TENM1: variants seen among roughly 807,000 people sequenced by gnomAD.
TENM1 encodes teneurin transmembrane protein 1.
In TENM1, 35 loss-of-function variants were observed where a neutral mutation model predicts 174.8. That is an observed-to-expected ratio of 0.20 (90% CI 0.15 to 0.27). The LOEUF (loss-of-function observed/expected upper bound fraction) is 0.27, where lower values mean the gene tolerates loss of function less well. Ranked by LOEUF, TENM1 falls within the 10% of genes least tolerant of loss-of-function variation. The pLI, the probability that TENM1 is intolerant of heterozygous loss-of-function variation, is 1.00. For synonymous variants in TENM1, 781 were observed against 798.7 expected, an observed-to-expected ratio of 0.98 and a Z score of 0.37; for missense variants, 1,633 against 2,130.1, an observed-to-expected ratio of 0.77 and a Z score of 4.59.
At chrX:124,713,639 T>C (rs1316817036) in intron 4 of TENM1, among the ~76,000 whole-genome samples, 1 of 112,478 alleles carries the variant, frequency 8.9e-6, no homozygotes, top group Non-Finnish European at 1.9e-5. Context: ...ATATCTGCCC[T>C]ATCTGGTCAA....
intron 11 of TENM1, among the ~76,000 whole-genome samples, chrX:124,616,649 A>G (rs1452343736): frequency 8.9e-6 from 1 of 112,698 alleles, no homozygotes; most frequent in Non-Finnish European, 1.9e-5. Context: ...AATAGAACAC[A>G]TGGTCTCTAC....
chrX:124,550,757 C>T (rs1428868353), intron 14 of TENM1, among the ~76,000 whole-genome samples: 1 of 108,597 alleles, frequency 9.2e-6, no homozygotes, highest in Non-Finnish European at 1.9e-5. Flanking sequence ...ACTACTTTGG[C>T]TCTATTTTTT....
the TENM1 span, among the ~76,000 whole-genome samples, chrX:125,135,393 T>A: frequency 9.0e-6 from 1 of 111,279 alleles, no homozygotes; most frequent in Non-Finnish European, 1.9e-5. Flanking sequence ...GGATAGGAAG[T>A]TTAAAAATTA....
At chrX:124,492,315 G>C (rs888333414) in intron 20 of TENM1, among the ~76,000 whole-genome samples, 1 of 111,316 alleles carries the variant, frequency 9.0e-6, no homozygotes, top group African/African-American at 3.3e-5. Flanking sequence ...TATGAAGTGA[G>C]GTTTTTATCT....
intron 25 of TENM1, among the ~76,000 whole-genome samples, chrX:124,413,447 G>T (rs2060558784): frequency 9.0e-6 from 1 of 111,318 alleles, no homozygotes; most frequent in Non-Finnish European, 1.9e-5. Context: ...AAAAGGATGG[G>T]GGTGGATATG....
exon 32 of TENM1, chrX:124,376,774 T>TTTTTGTTTTG (rs1041912391): frequency 1.8e-5 from 2 of 111,396 alleles, no homozygotes; most frequent in South Asian, 7.4e-4. Context: ...TTTTTTGTTT[T>TTTTTGTTTTG]TTTTGTTTTG....
intron 3 of TENM1, among the ~76,000 whole-genome samples, chrX:124,882,439 T>C (rs1372413493): frequency 8.9e-6 from 1 of 111,908 alleles, no homozygotes; most frequent in Non-Finnish European, 1.9e-5. Context: ...ATCTGTCTAA[T>C]GCTGAGAGTG....
the TENM1 span, among the ~76,000 whole-genome samples, chrX:125,001,682 G>A: frequency 9.1e-6 from 1 of 110,411 alleles, no homozygotes; most frequent in African/African-American, 3.3e-5. Context: ...CATGAATGCA[G>A]AGCAGAATCC....
chrX:125,052,758 C>T, the TENM1 span, among the ~76,000 whole-genome samples: 1 of 112,547 alleles, frequency 8.9e-6, no homozygotes, highest in Non-Finnish European at 1.9e-5. Context: ...TTCTGTCCAA[C>T]AGCACTGAGT....
At chrX:124,384,388 G>A (rs775248713) in exon 30 of TENM1, 40 of 1,209,100 alleles carry the variant, frequency 3.3e-5, no homozygotes, top group Non-Finnish European at 3.8e-5. Context: ...CATTCAGATC[G>A]TAACTATAAC....
At chrX:124,445,275 A>T (rs780370916) in intron 23 of TENM1, among the ~76,000 whole-genome samples, 1 of 111,899 alleles carries the variant, frequency 8.9e-6, no homozygotes, top group Non-Finnish European at 1.9e-5. Flanking sequence ...GCTTGTCATC[A>T]GTCAGAGGTA....
At chrX:124,743,135 CA>C (rs2053839669) in intron 3 of TENM1, among the ~76,000 whole-genome samples, 1 of 111,301 alleles carries the variant, frequency 9.0e-6, no homozygotes, top group Non-Finnish European at 1.9e-5. Context: ...TCATAGTGCT[CA>C]ATGATCATCA....
chrX:124,894,751 A>C (rs1308099853), intron 2 of TENM1, among the ~76,000 whole-genome samples: 2 of 111,454 alleles, frequency 1.8e-5, no homozygotes, highest in African/African-American at 6.5e-5. Context: ...CATTTCATAT[A>C]ATTTTGATCA....
chrX:124,416,083 ATATTAT>A (rs1030937148), intron 25 of TENM1, among the ~76,000 whole-genome samples: 10 of 111,456 alleles, frequency 9.0e-5, no homozygotes, highest in African/African-American at 3.3e-4. Flanking sequence ...TAGTCATTCT[ATATTAT>A]TATTATTGAG....
intron 3 of TENM1, among the ~76,000 whole-genome samples, chrX:124,885,860 A>AT (rs2057375543): frequency 1.8e-5 from 2 of 111,643 alleles, no homozygotes; most frequent in Non-Finnish European, 3.8e-5. Context: ...ACTAGGATAT[A>AT]TGAAAACAAA....
chrX:125,091,985 CAAAAAAAAA>C, the TENM1 span, among the ~76,000 whole-genome samples: 1 of 14,182 alleles, frequency 7.1e-5, no homozygotes, highest in Non-Finnish European at 1.3e-4. Context: ...AACTCTGTCT[CAAAAAAAAA>C]AAAAAAAAAA....
intron 17 of TENM1, 106 bp downstream of exon 20, chrX:124,523,258 C>A: frequency 1.2e-6 from 1 of 862,957 alleles, no homozygotes; most frequent in Non-Finnish European, 1.6e-6. Context: ...AAGGGCAGCA[C>A]ATTATAAGGA....
chrX:125,021,218 ATT>A, the TENM1 span, among the ~76,000 whole-genome samples: 52 of 96,233 alleles, frequency 5.4e-4, no homozygotes, highest in Admixed American at 8.1e-4. Context: ...ATTAAAGACA[ATT>A]TTTTTTTTTT....
the TENM1 span, among the ~76,000 whole-genome samples, chrX:125,111,840 C>T: frequency 1.2e-3 from 132 of 111,360 alleles, no homozygotes; most frequent in Middle Eastern, 9.3e-3. Context: ...AGAATAACTA[C>T]AATTTTTCAA....
Sources: gnomAD v4.1 joint callset for allele counts (sites outside exome capture counted in the v4.1 genomes callset) on GRCh38, gnomAD v4.1.1 for gene constraint, MANE v1.5 for transcripts, NCBI Gene and HGNC (gene_info 2026-07-23, HGNC 2026-07-21) for gene names.